PCDHAC1: variants seen among roughly 807,000 people sequenced by gnomAD.
The protein encoded by PCDHAC1 is protocadherin alpha-C1.
A neutral mutation model predicts 60.0 loss-of-function variants in PCDHAC1; 42 were observed. The observed-to-expected ratio is 0.70, with a 90% CI of 0.55 to 0.90. The LOEUF (loss-of-function observed/expected upper bound fraction) is 0.90, where lower values mean the gene tolerates loss of function less well. Among genes scored for constraint, PCDHAC1 ranks in the 40% least tolerant of loss-of-function variants. The pLI is 0.00. For missense variants in PCDHAC1, 1,160 were observed against 1,222.3 expected (o/e 0.95, Z 0.76); for synonymous variants, 468 against 499.3 (o/e 0.94, Z 0.84).
chr5:140,941,527 G>A (rs1324655767), intron 1 of PCDHAC1, among the ~76,000 whole-genome samples: 1 of 151,580 alleles, frequency 6.6e-6, no homozygotes, highest in African/African-American at 2.4e-5. Flanking sequence ...ATCTTGACCA[G>A]GCTGGTCTTG....
chr5:140,927,813 G>A lies in PCDHAC1; in HGVS notation c.921G>A (p.Glu307=). The change falls in exon 1 of 4, where the codon GAG becomes GAA. Residue 307 remains glutamate (E), a synonymous_variant. Transcript: ENST00000253807. ...ASLGPPETLL[E]AYIEARDEGV... is the part of the protein sequence containing the mutation. ...TAGGTCCGCCTGAAACGCTCTTGGA[G>A]GCATACATTGAGGCGAGGGACGAAG... The A allele has an allele frequency of 6.2e-7, 1 of 1,614,176 alleles. No homozygotes were observed. The highest frequency in any genetic ancestry group is 8.5e-7 in the Non-Finnish European group (1 of 1,180,032).
chr5:140,930,925 G>T (rs1271801364), intron 1 of PCDHAC1, among the ~76,000 whole-genome samples: 7 of 152,158 alleles, frequency 4.6e-5, no homozygotes, highest in Admixed American at 4.6e-4. Flanking sequence ...ATGTGTATAT[G>T]TGGTTAACAG....
At chr5:140,944,818 T>G (rs1490682721) in intron 1 of PCDHAC1, among the ~76,000 whole-genome samples, 1 of 152,236 alleles carries the variant, frequency 6.6e-6, no homozygotes, top group East Asian at 1.9e-4. Context: ...CAGTGATCTT[T>G]GCCCCATAAT....
intron 1 of PCDHAC1, among the ~76,000 whole-genome samples, chr5:140,943,004 C>T (rs1248261862): frequency 6.6e-6 from 1 of 151,842 alleles, no homozygotes; most frequent in East Asian, 1.9e-4. Context: ...TGCCTGTAAT[C>T]CCAGCACTTT....
At chr5:140,968,904 G>A (rs1554231223) in intron 1 of PCDHAC1, 1 of 1,614,058 alleles carries the variant, frequency 6.2e-7, no homozygotes, top group Non-Finnish European at 8.5e-7. Flanking sequence ...ATAGCATTAA[G>A]CACAGTGTCT....
rs782757628 is a variant in PCDHAC1 at position 140,928,510 on chromosome 5, A to T, written c.1618A>T (p.Thr540Ser). Reference protein sequence around the residue: ...GGIPPRSATVTINLFVVDRND... With the variant: ...GGIPPRSATVSINLFVVDRND... ...CATTCCTCCCAGAAGTGCAACAGTGACTATAAACTTGTTTGTGGTAGATAG... is the reference window on the plus strand; with the variant it reads ...CATTCCTCCCAGAAGTGCAACAGTGTCTATAAACTTGTTTGTGGTAGATAG... Residue 540 changes from threonine to serine, a missense_variant, in exon 1 of 4, where the codon ACT becomes TCT. Physicochemically the swap from Thr to Ser is moderately conservative, Grantham distance 58. This residue lies in a region of PCDHAC1 where 1,113 missense variants were observed against 1,163.7 expected (regional missense o/e 0.96). Coordinates refer to ENST00000253807, the MANE Select transcript of PCDHAC1 (RefSeq NM_018898.5). The T allele has an allele frequency of 6.2e-7, 1 of 1,614,166 alleles. No homozygotes were observed. The highest frequency in any genetic ancestry group is 8.5e-7 in the Non-Finnish European group (1 of 1,180,028).
chr5:140,929,557 A>G (rs782792383), intron 1 of PCDHAC1: 64 of 478,142 alleles, frequency 1.3e-4, no homozygotes, highest in Non-Finnish European at 1.9e-4. Flanking sequence ...ATTAAAACCT[A>G]TTTAAGAACA....
At chr5:140,993,460 T>TCCCACA (rs1554253699) in intron 3 of PCDHAC1, among the ~76,000 whole-genome samples, 8 of 104,506 alleles carry the variant, frequency 7.7e-5, no homozygotes, top group African/African-American at 3.1e-4. Context: ...CTTCTTTCTT[T>TCCCACA]CTCACACACA....
chr5:141,001,324 C>G (rs1455380423), intron 3 of PCDHAC1, among the ~76,000 whole-genome samples: 2 of 152,154 alleles, frequency 1.3e-5, no homozygotes, highest in Non-Finnish European at 1.5e-5. Flanking sequence ...TGCCAAACAT[C>G]ACCATAATTT....
chr5:140,927,601 G>C lies in PCDHAC1; in HGVS notation c.709G>C (p.Val237Leu), dbSNP rs1490799029. 27 of 1,614,082 alleles carry C rather than the reference G, an allele frequency of 1.7e-5. No individual in the cohort carries two copies. Among genetic ancestry groups the C allele is most frequent in the Non-Finnish European group, 2.3e-5 (27 of 1,180,040 alleles). Reference sequence around the variant, plus strand: ...CAACGCGCCTGTATTTGAGCGCTCCGTATACCGCACCAAGGTTCCAGAGAC... The same window carrying C: ...CAACGCGCCTGTATTTGAGCGCTCCCTATACCGCACCAAGGTTCCAGAGAC... Reference protein sequence around the residue: ...NDNAPVFERSVYRTKVPETAP... With the variant: ...NDNAPVFERSLYRTKVPETAP... Residue 237 changes from valine (V) to leucine (L), a missense_variant, in exon 1 of 4, where the codon GTA (valine) becomes CTA (leucine). Transcript: ENST00000253807.
chr5:140,999,574 A>G (rs2097863527), intron 3 of PCDHAC1, among the ~76,000 whole-genome samples: 1 of 152,170 alleles, frequency 6.6e-6, no homozygotes, highest in South Asian at 2.1e-4. Context: ...AAGAGACTAT[A>G]AAGGGAAATT....
chr5:140,954,102 A>G (rs2094980163), intron 1 of PCDHAC1, among the ~76,000 whole-genome samples: 1 of 152,186 alleles, frequency 6.6e-6, no homozygotes, highest in South Asian at 2.1e-4. Flanking sequence ...TGTCCCTGCA[A>G]AGGACAAGAT....
chr5:140,979,074 C>T, intron 2 of PCDHAC1, 67 bp downstream of exon 2: 4 of 1,583,968 alleles, frequency 2.5e-6, no homozygotes, highest in Non-Finnish European at 2.6e-6. Context: ...TAAACTGCAT[C>T]TCCATAGGCC....
At position 140,953,880 on chromosome 5, in the gene PCDHAC1, C is replaced by T. The variant is rs56350351; in HGVS notation, c.2433+24555C>T. On this transcript the variant is annotated intron_variant, in intron 1 of 3. Coordinates refer to ENST00000253807, the MANE Select transcript of PCDHAC1 (RefSeq NM_018898.5). ...TGGTGGTTTGCTGCACAGATCAACCCATCACCTAGGTATTAAGCCCAGCAT... is the reference window on the plus strand; with the variant it reads ...TGGTGGTTTGCTGCACAGATCAACCTATCACCTAGGTATTAAGCCCAGCAT... Among the ~76,000 whole-genome samples, 609 of 152,246 alleles carry T rather than the reference C, an allele frequency of 4.0e-3. 7 individuals are homozygous for T. Among genetic ancestry groups the T allele is most frequent in the African/African-American group, 0.014 (577 of 41,548 alleles).
intron 1 of PCDHAC1, chr5:140,967,201 A>T: frequency 6.2e-7 from 1 of 1,613,620 alleles, no homozygotes; most frequent in Non-Finnish European, 8.5e-7. Flanking sequence ...ACGACAACTC[A>T]CCGCGTTTCC....
intron 1 of PCDHAC1, chr5:140,968,207 A>C: frequency 6.2e-7 from 1 of 1,614,000 alleles, no homozygotes; most frequent in Non-Finnish European, 8.5e-7. Context: ...CATACAGGAG[A>C]ACAATTTGCC....
intron 1 of PCDHAC1, among the ~76,000 whole-genome samples, chr5:140,975,044 G>A (rs115613317): frequency 0.045 from 6,815 of 152,244 alleles, 210 homozygotes; most frequent in Non-Finnish European, 0.062. Flanking sequence ...AGGCTCTTAG[G>A]AAGAATCTAC....
At chr5:140,940,616 G>A (rs1554213527) in intron 1 of PCDHAC1, among the ~76,000 whole-genome samples, 3 of 152,002 alleles carry the variant, frequency 2.0e-5, no homozygotes, top group Non-Finnish European at 4.4e-5. Flanking sequence ...CCTGGCTCCT[G>A]CAAATATTCT....
chr5:140,930,824 T>C (rs545304113), intron 1 of PCDHAC1, among the ~76,000 whole-genome samples: 16 of 152,342 alleles, frequency 1.1e-4, no homozygotes, highest in African/African-American at 3.8e-4. Context: ...TAGTAAATGC[T>C]GACTGAATGA....
Sources: allele counts gnomAD v4.1 joint callset (sites outside exome capture counted in the v4.1 genomes callset), GRCh38; gene constraint gnomAD v4.1.1; regional missense constraint gnomAD v4.1.1; transcripts MANE v1.5; gene names NCBI Gene and HGNC (gene_info 2026-07-23, HGNC 2026-07-21).